C8orf76: variants seen among roughly 807,000 people sequenced by gnomAD.
C8orf76 encodes the protein chromosome 8 open reading frame 76.
C8orf76 carries 46 observed loss-of-function variants against 38.1 expected under a neutral mutation model. The ratio of observed to expected loss-of-function variants is 1.21; its 90% CI spans 0.95 to 1.54. The LOEUF is 1.54. Among genes scored for constraint, C8orf76 ranks in the 40% most tolerant of loss-of-function variants. The pLI is 0.00. For synonymous variants in C8orf76, 166 were observed against 167.5 expected, an observed-to-expected ratio of 0.99 and a Z score of 0.07; for missense variants, 461 against 441.6, an observed-to-expected ratio of 1.04 and a Z score of -0.39.
chr8:123,219,968 C>A lies in C8orf76; in HGVS notation c.*135G>T. 1 of 534,254 alleles carries A rather than the reference C, an allele frequency of 1.9e-6. No homozygotes were observed. The highest frequency in any genetic ancestry group is 3.2e-6 in the Non-Finnish European group (1 of 314,396). The allele number at this position is 534,254 out of a possible 1,614,324, so 33.1% of individuals were successfully genotyped here. On this transcript the variant is annotated 3_prime_UTR_variant, in exon 6 of 6. Coordinates refer to ENST00000276704, the MANE Select transcript of C8orf76 (RefSeq NM_032847.3). The stretch of plus-strand genomic sequence containing the variant: ...AACATAAACTGAATGCAGTAGAAAT[C>A]ATTTGAGACAGAAGCCAGTTTTATA...
At chr8:123,231,792 C>G in intron 3 of C8orf76, 35 bp from the exon 4 acceptor site, 3 of 1,524,296 alleles carry the variant, frequency 2.0e-6, no homozygotes, top group Non-Finnish European at 2.6e-6. Flanking sequence ...GAAGTTTAAA[C>G]TTCAAAGCAT....
At chr8:123,238,031 G>A in intron 2 of C8orf76, 90 bp from the exon 3 acceptor site, 2 of 1,422,632 alleles carry the variant, frequency 1.4e-6, no homozygotes, top group South Asian at 1.5e-5. Flanking sequence ...TTTCCTAGGT[G>A]GAAAGTAATG....
rs200915547 is a variant in C8orf76, at chr8:123,234,776, A to AAAAAAC, written c.357+3016_358-3020dup. Among the ~76,000 whole-genome samples, 1,397 of 151,478 alleles carry AAAAAAC rather than the reference A, an allele frequency of 9.2e-3. 26 individuals are homozygous for AAAAAAC. The highest frequency in any genetic ancestry group is 0.031 in the African/African-American group (1,260 of 41,070). On this transcript the variant is annotated intron_variant, in intron 3 of 5. Transcript: ENST00000276704. ...AGTGCGAGACTCCATCTAAAAAACA[A>AAAAAAC]AAAAACAAAAACAAAAACAAAAAAA...
At chr8:123,238,966 C>G in intron 2 of C8orf76, 83 bp downstream of exon 2, 1 of 1,385,438 alleles carries the variant, frequency 7.2e-7, no homozygotes, top group Non-Finnish European at 1.0e-6. Flanking sequence ...ATAAACACCA[C>G]ACTAACTTGG....
chr8:123,236,783 CAA>C (rs34417634), intron 3 of C8orf76: 9,195 of 385,152 alleles, frequency 0.024, no homozygotes, highest in East Asian at 0.037. Context: ...GACTCTGTCT[CAA>C]AAAAAAAAAA....
intron 3 of C8orf76, among the ~76,000 whole-genome samples, chr8:123,235,988 T>C (rs928289277): frequency 3.9e-5 from 6 of 152,216 alleles, no homozygotes; most frequent in Non-Finnish European, 7.3e-5. Context: ...AGTTAACTGC[T>C]CATGCAAACG....
chr8:123,238,050 G>C, intron 2 of C8orf76, 109 bp from the exon 3 acceptor site: 2 of 1,242,458 alleles, frequency 1.6e-6, no homozygotes, highest in Non-Finnish European at 2.2e-6. Context: ...TGTTATAACT[G>C]ACCAATGAAT....
intron 3 of C8orf76, among the ~76,000 whole-genome samples, chr8:123,235,037 GATAT>G (rs1395625484): frequency 6.6e-6 from 1 of 152,168 alleles, no homozygotes; most frequent in East Asian, 1.9e-4. Context: ...GCATGTACAC[GATAT>G]ATTGTTTGTC....
Position 123,224,195 on chromosome 8 carries a change from G to A in C8orf76, c.948+2305C>T, listed in dbSNP as rs148036109. 3.1e-3 allele frequency among the ~76,000 whole-genome samples: 475 copies of A among 152,144 alleles called. 6 individuals carry two copies. The highest frequency in any genetic ancestry group is 0.028 in the Admixed American group (433 of 15,268). ...ACATGAGACAAAAGGGCCACATATA[G>A]TATTTAGACCTTATTTGGATCCTAA... On this transcript the variant is annotated intron_variant, in intron 5 of 5. Coordinates refer to ENST00000276704, the MANE Select transcript of C8orf76 (RefSeq NM_032847.3).
intron 5 of C8orf76, among the ~76,000 whole-genome samples, chr8:123,222,029 C>T (rs1824906287): frequency 6.6e-6 from 1 of 152,162 alleles, no homozygotes; most frequent in African/African-American, 2.4e-5. Flanking sequence ...CACTCTGTCG[C>T]CCAGACTGGA....
intron 4 of C8orf76, 51 bp downstream of exon 4, chr8:123,231,249 C>G (rs540981611): frequency 2.3e-5 from 35 of 1,530,212 alleles, no homozygotes; most frequent in Admixed American, 1.1e-4. Flanking sequence ...GAAAATAAAG[C>G]CTTTACTCTG....
chr8:123,221,205 A>G (rs964917909), intron 5 of C8orf76, among the ~76,000 whole-genome samples: 8 of 152,230 alleles, frequency 5.3e-5, no homozygotes, highest in Non-Finnish European at 8.8e-5. Context: ...AGTGAGAGCC[A>G]AGCTTCACTA....
Position 123,229,745 on chromosome 8 carries a change from G to C in C8orf76, c.815+1555C>G, listed in dbSNP as rs1288226470. ...TAAAATTTGCCAAATAGCTGGGAAC[G>C]GTAGCTCACTCCTGTAATCCCAGCA... On this transcript the variant is annotated intron_variant, in intron 4 of 5. Coordinates refer to ENST00000276704, the MANE Select transcript of C8orf76 (RefSeq NM_032847.3). Among the ~76,000 whole-genome samples, 7 of 152,178 alleles carry C rather than the reference G, an allele frequency of 4.6e-5. No individual in the cohort carries two copies. The East Asian group carries it at 1.3e-3, about 29-fold the overall frequency.
intron 4 of C8orf76, among the ~76,000 whole-genome samples, chr8:123,230,184 G>A (rs1825199945): frequency 6.6e-6 from 1 of 151,992 alleles, no homozygotes; most frequent in African/African-American, 2.4e-5. Flanking sequence ...TATAGAACTG[G>A]TCAAGTGTAT....
chr8:123,236,821 T>C (rs893623374), intron 3 of C8orf76: 8 of 664,446 alleles, frequency 1.2e-5, no homozygotes, highest in Admixed American at 5.1e-5. Context: ...CCCTTTTTCT[T>C]CAGCGAGGCT....
At chr8:123,223,579 G>A (rs1003037878) in intron 5 of C8orf76, among the ~76,000 whole-genome samples, 1 of 152,120 alleles carries the variant, frequency 6.6e-6, no homozygotes, top group Non-Finnish European at 1.5e-5. Flanking sequence ...CTGTACTCCT[G>A]CCTGGGTGAC....
chr8:123,238,409 T>TA (rs973911473), intron 2 of C8orf76, among the ~76,000 whole-genome samples: 15 of 152,062 alleles, frequency 9.9e-5, no homozygotes, highest in Non-Finnish European at 2.9e-5. Flanking sequence ...TTTTTTTTTT[T>TA]AAATAAATTA....
intron 3 of C8orf76, among the ~76,000 whole-genome samples, chr8:123,236,119 T>G (rs1825465862): frequency 1.3e-5 from 2 of 152,226 alleles, no homozygotes; most frequent in Admixed American, 1.3e-4. Context: ...CTGCCAAAGT[T>G]TCCTCGAATT....
At chr8:123,238,867 A>G in intron 2 of C8orf76, 182 bp downstream of exon 2, 1 of 568,516 alleles carries the variant, frequency 1.8e-6, no homozygotes, top group Non-Finnish European at 3.1e-6. Flanking sequence ...ACAGAAAACA[A>G]ACAAATCATA....
Sources: allele counts gnomAD v4.1 joint callset (sites outside exome capture counted in the v4.1 genomes callset), GRCh38; gene constraint gnomAD v4.1.1; transcripts MANE v1.5; gene names NCBI Gene and HGNC (gene_info 2026-07-23, HGNC 2026-07-21).